Variants in CACNA2D2 observed in about 807,000 individuals in gnomAD.
The protein encoded by CACNA2D2 is voltage-dependent calcium channel subunit alpha-2/delta-2.
In CACNA2D2, 48 loss-of-function variants were observed where a neutral mutation model predicts 166.4. That is an observed-to-expected ratio of 0.29 (90% CI 0.23 to 0.37). The LOEUF is 0.37. Among genes scored for constraint, CACNA2D2 ranks in the 10% least tolerant of loss-of-function variants. CACNA2D2 has a pLI of 1.00. For synonymous variants in CACNA2D2, 561 were observed against 573.7 expected (o/e 0.98, Z 0.32); for missense variants, 1,122 against 1,433.0 (o/e 0.78, Z 3.50).
intron 3 of CACNA2D2, among the ~76,000 whole-genome samples, chr3:50,396,536 G>C (rs2282752): frequency 0.29 from 43,880 of 151,830 alleles, 8,926 homozygotes; most frequent in African/African-American, 0.54. Flanking sequence ...GCCTGCCCAC[G>C]CCGACCCCAA....
intron 2 of CACNA2D2, among the ~76,000 whole-genome samples, chr3:50,474,547 C>T (rs1033308602): frequency 6.6e-5 from 10 of 152,192 alleles, no homozygotes; most frequent in Admixed American, 1.3e-4. Context: ...TTCTCATTGC[C>T]AGACATTCAG....
intron 2 of CACNA2D2, among the ~76,000 whole-genome samples, chr3:50,445,533 A>C (rs931168560): frequency 6.6e-6 from 1 of 152,200 alleles, no homozygotes; most frequent in African/African-American, 2.4e-5. Flanking sequence ...GCTCTCCTTG[A>C]ATTTTATGTA....
At chr3:50,470,609 G>GTT (rs1444812821) in intron 2 of CACNA2D2, among the ~76,000 whole-genome samples, 2 of 135,454 alleles carry the variant, frequency 1.5e-5, no homozygotes, top group Middle Eastern at 3.5e-3. Context: ...CGGGGGGGGG[G>GTT]GGTGGTGGTC....
chr3:50,453,912 G>C (rs949296623), intron 2 of CACNA2D2, among the ~76,000 whole-genome samples: 1 of 152,140 alleles, frequency 6.6e-6, no homozygotes, highest in Non-Finnish European at 1.5e-5. Context: ...GGTGTGATCT[G>C]TGTGAAGGTC....
chr3:50,367,114 G>C lies in CACNA2D2; in HGVS notation c.2402-5C>G, dbSNP rs761623599. 8.7e-6 allele frequency: 14 copies of C among 1,609,712 alleles called. No individual in the cohort carries two copies. In the South Asian group the frequency reaches 1.4e-4, roughly 16 times the overall value. On this transcript the variant is annotated splice_polypyrimidine_tract_variant and splice_region_variant and intron_variant, in intron 27 of 37. Transcript: ENST00000424201. The surrounding 1 kb of genome is among the most constrained non-coding windows in gnomAD (Gnocchi z 6.5). ...GCTCCAGCGGCCTTAACAGGGCTGG[G>C]GGTTGGGTGGGGAAGTCAGGAGTGG...
rs1389840203 is a variant in CACNA2D2 at position 50,378,307 on chromosome 3, C to T, written c.1366G>A (p.Gly456Arg). The T allele has an allele frequency of 6.4e-7, 1 of 1,552,346 alleles. No individual in the cohort carries two copies. Among genetic ancestry groups the T allele is most frequent in the Non-Finnish European group, 8.7e-7 (1 of 1,147,572 alleles). ...ACCTGTGTGTTGATGCGGATGGCTC[C>T]GATGGAAGGGATCTCAAAATAGTAG... Reference protein sequence around the residue: ...KGYYFEIPSIGAIRINTQEYL... With the variant: ...KGYYFEIPSIRAIRINTQEYL... The change falls in exon 14 of 38, where the codon GGA (glycine) becomes AGA (arginine). Residue 456 changes from glycine to arginine, a missense_variant. Around this residue, in one of 2 missense-constraint regions of CACNA2D2, gnomAD observed 840 missense variants for 1,166.8 expected, o/e 0.72. Transcript: ENST00000424201.
In CACNA2D2 at chr3:50,375,521, A is replaced by T; in HGVS notation, c.1907+123T>A. 4 of 987,492 alleles carry T rather than the reference A, an allele frequency of 4.1e-6. No individual in the cohort carries two copies. Among genetic ancestry groups the T allele is most frequent in the Non-Finnish European group, 6.2e-6 (4 of 646,412 alleles). 61.2% of individuals were successfully genotyped at this position (987,492 alleles called of 1,614,324 possible). A position where few individuals can be genotyped will look rare whatever the true frequency, so the allele number is the denominator to read the frequency against. ...ACTAAGCATCTCAGGGTGAGTAGTG[A>T]GCAGCCCTGGCCACTGGTGCCCCAC... On this transcript the variant is annotated intron_variant, in intron 21 of 37. Coordinates refer to ENST00000424201, the MANE Select transcript of CACNA2D2 (RefSeq NM_006030.4). This position sits in a 1 kb window ranked among gnomAD's most constrained non-coding sequence, Gnocchi z 4.0.
intron 3 of CACNA2D2, among the ~76,000 whole-genome samples, chr3:50,424,023 T>G (rs1303480095): frequency 6.6e-6 from 1 of 152,268 alleles, no homozygotes; most frequent in Non-Finnish European, 1.5e-5. Flanking sequence ...CACCAAAGCC[T>G]GGGCATAAAC....
At chr3:50,402,762 T>A (rs1275839552) in intron 3 of CACNA2D2, among the ~76,000 whole-genome samples, 15 of 152,218 alleles carry the variant, frequency 9.9e-5, no homozygotes, top group Admixed American at 9.8e-4. Flanking sequence ...CAGGTGGAAT[T>A]TATCAGAATT....
At position 50,366,752 on chromosome 3, in the gene CACNA2D2, G is replaced by A. The variant is rs1162276230; in HGVS notation, c.2589+79C>T. 1 of 1,550,196 alleles carries A rather than the reference G, an allele frequency of 6.5e-7. No individual in the cohort carries two copies. The highest frequency in any genetic ancestry group is 8.9e-7 in the Non-Finnish European group (1 of 1,127,536). ...CCTCCATGTAGGTGTTGGAGCCACT[G>A]AGTGGAGGGTTGGTGGGGGTTCCAG... On this transcript the variant is annotated intron_variant, in intron 29 of 37. Coordinates refer to ENST00000424201, the MANE Select transcript of CACNA2D2 (RefSeq NM_006030.4). The surrounding 1 kb of genome is among the most constrained non-coding windows in gnomAD (Gnocchi z 5.9).
chr3:50,464,888 G>T (rs978929149), intron 2 of CACNA2D2, among the ~76,000 whole-genome samples: 2 of 152,274 alleles, frequency 1.3e-5, no homozygotes. Flanking sequence ...AAGGCTGCTG[G>T]AAAGCAGGTG....
chr3:50,372,786 G>A (rs937672860), intron 22 of CACNA2D2, among the ~76,000 whole-genome samples: 3 of 152,134 alleles, frequency 2.0e-5, no homozygotes, highest in African/African-American at 7.2e-5. Flanking sequence ...GGGAGGCAGG[G>A]GCCTCCCCAG....
chr3:50,503,250 G>A lies in CACNA2D2; in HGVS notation c.174C>T (p.Gly58=), dbSNP rs1283099507. 7 of 1,193,950 alleles carry A rather than the reference G, an allele frequency of 5.9e-6. No individual in the cohort carries two copies. The African/African-American group carries it at 1.1e-4, about 19-fold the overall frequency. The allele number at this position is 1,193,950 out of a possible 1,614,324, so 74.0% of individuals were successfully genotyped here. A position where few individuals can be genotyped will look rare whatever the true frequency, so the allele number is the denominator to read the frequency against. ...LPLLPLLAAP[G]ASAYSFPQQH... ...GCTGGGGGAAGCTGTAGGCAGAGGCGCCGGGGGCGGCGAGCAGCGGTAGAA... is the reference window on the plus strand; with the variant it reads ...GCTGGGGGAAGCTGTAGGCAGAGGCACCGGGGGCGGCGAGCAGCGGTAGAA... Residue 58 remains glycine (G), a synonymous_variant, in exon 1 of 38, where the codon GGC becomes GGT. Transcript: ENST00000424201.
intron 2 of CACNA2D2, among the ~76,000 whole-genome samples, chr3:50,460,237 T>A (rs1709531723): frequency 6.6e-6 from 1 of 152,228 alleles, no homozygotes; most frequent in Non-Finnish European, 1.5e-5. Flanking sequence ...AGGACATTAG[T>A]GCAAAAACTG....
chr3:50,427,896 G>A lies in CACNA2D2; in HGVS notation c.405+6417C>T, dbSNP rs1021569006. ...CTCACCCTCGTCAGTGAATGCACCC[G>A]TGGACTCAGCTGAACTGGCCTCCAG... On this transcript the variant is annotated intron_variant, in intron 3 of 37. Coordinates refer to ENST00000424201, the MANE Select transcript of CACNA2D2 (RefSeq NM_006030.4). The surrounding 1 kb of genome is among the most constrained non-coding windows in gnomAD (Gnocchi z 4.7). Among the ~76,000 whole-genome samples the A allele has an allele frequency of 1.4e-4, 21 of 152,176 alleles. No individual in the cohort carries two copies. The highest frequency in any genetic ancestry group is 6.5e-4 in the Admixed American group (10 of 15,284).
chr3:50,389,145 C>A lies in CACNA2D2; in HGVS notation c.466-1533G>T, dbSNP rs192783413. Among the ~76,000 whole-genome samples, 113 of 152,348 alleles carry A rather than the reference C, an allele frequency of 7.4e-4. 1 individual carries two copies. Among genetic ancestry groups the A allele is most frequent in the African/African-American group, 2.5e-3 (103 of 41,590 alleles). ...CCCACCAGTGCAAGAAGGCTGCAGC[C>A]CCGGTGGGCCTGGGGCGGGGGCGGA... On this transcript the variant is annotated intron_variant, in intron 4 of 37. Transcript: ENST00000424201.
At chr3:50,477,322 A>C (rs956321852) in intron 1 of CACNA2D2, among the ~76,000 whole-genome samples, 1 of 152,206 alleles carries the variant, frequency 6.6e-6, no homozygotes, top group Non-Finnish European at 1.5e-5. Flanking sequence ...TTATAAGAAC[A>C]CATGAGAATA....
At chr3:50,441,385 A>G (rs960404394) in intron 2 of CACNA2D2, among the ~76,000 whole-genome samples, 2 of 152,230 alleles carry the variant, frequency 1.3e-5, no homozygotes, top group African/African-American at 4.8e-5. Context: ...TAAAAAGTGC[A>G]CTTGCTGCTG....
chr3:50,459,676 C>G (rs955406339), intron 2 of CACNA2D2, among the ~76,000 whole-genome samples: 3 of 152,164 alleles, frequency 2.0e-5, no homozygotes, highest in Non-Finnish European at 4.4e-5. Context: ...AGAACTCCAG[C>G]CAGGAATGTG....
Sources: allele counts gnomAD v4.1 joint callset (sites outside exome capture counted in the v4.1 genomes callset), GRCh38; gene constraint gnomAD v4.1.1; regional missense constraint gnomAD v4.1.1; non-coding constraint Gnocchi (gnomAD v3.1); transcripts MANE v1.5; gene names NCBI Gene and HGNC (gene_info 2026-07-23, HGNC 2026-07-21).